ZBTB16: variants seen among roughly 807,000 people sequenced by gnomAD.
The protein encoded by ZBTB16 is zinc finger and BTB domain containing 16.
Under a neutral mutation model 56.8 loss-of-function variants are expected in ZBTB16, and 8 were observed. The observed-to-expected ratio is 0.14, with a 90% confidence interval of 0.08 to 0.25. The LOEUF (loss-of-function observed/expected upper bound fraction) is 0.25. Among genes scored for constraint, ZBTB16 ranks in the 10% least tolerant of loss-of-function variants. The probability of loss-of-function intolerance (pLI) is 1.00; values close to 1 mark genes in which losing one functional copy is unlikely to be tolerated. For synonymous variants in ZBTB16, 363 were observed against 368.5 expected, an observed-to-expected ratio of 0.98 and a Z score of 0.17; for missense variants, 625 against 903.0, an observed-to-expected ratio of 0.69 and a Z score of 3.95.
chr11:114,170,167 G>A (rs998002539), intron 3 of ZBTB16, among the ~76,000 whole-genome samples: 1 of 152,240 alleles, frequency 6.6e-6, no homozygotes, highest in Non-Finnish European at 1.5e-5. Context: ...ATTGGATGCG[G>A]ACCCAGAAGA....
At chr11:114,212,592 G>A (rs1046114373) in intron 4 of ZBTB16, among the ~76,000 whole-genome samples, 4 of 152,190 alleles carry the variant, frequency 2.6e-5, no homozygotes, top group Admixed American at 6.5e-5. Context: ...ACACAGTTGC[G>A]GAGTCAGGCA....
chr11:114,219,813 C>G (rs967408224), intron 4 of ZBTB16, among the ~76,000 whole-genome samples: 2 of 152,118 alleles, frequency 1.3e-5, no homozygotes, highest in Non-Finnish European at 2.9e-5. Flanking sequence ...CCTGAGTTGC[C>G]TTGAACTAAT....
intron 2 of ZBTB16, among the ~76,000 whole-genome samples, chr11:114,070,976 C>G (rs1165456024): frequency 2.0e-5 from 3 of 152,204 alleles, no homozygotes; most frequent in Admixed American, 6.5e-5. Flanking sequence ...GAGGCCAGGT[C>G]TAGACCTAGC....
intron 2 of ZBTB16, among the ~76,000 whole-genome samples, chr11:114,113,822 A>T (rs971174773): frequency 6.6e-6 from 1 of 152,234 alleles, no homozygotes; most frequent in East Asian, 1.9e-4. Context: ...GATATAAGTT[A>T]GTCATCTAAT....
At chr11:114,078,647 G>A (rs2137690810) in intron 2 of ZBTB16, among the ~76,000 whole-genome samples, 1 of 152,208 alleles carries the variant, frequency 6.6e-6, no homozygotes, top group East Asian at 1.9e-4. Context: ...GAAACAGCTA[G>A]CTCAAAGTCC....
intron 2 of ZBTB16, among the ~76,000 whole-genome samples, chr11:114,101,237 TCAAA>T (rs1311246478): frequency 6.6e-6 from 1 of 152,152 alleles, no homozygotes; most frequent in African/African-American, 2.4e-5. Context: ...ACTCCTGGGC[TCAAA>T]CAATCTTCCC....
chr11:114,212,141 G>T (rs1475118968), intron 4 of ZBTB16, among the ~76,000 whole-genome samples: 1 of 152,048 alleles, frequency 6.6e-6, no homozygotes, highest in East Asian at 1.9e-4. Flanking sequence ...CTTGGGAAAG[G>T]GGGGATGGGG....
intron 2 of ZBTB16, among the ~76,000 whole-genome samples, chr11:114,084,734 G>A (rs527865373): frequency 4.3e-4 from 65 of 152,332 alleles, no homozygotes; most frequent in South Asian, 1.0e-3. Flanking sequence ...GAAATCCTGG[G>A]AGGAGGCCTT....
intron 3 of ZBTB16, among the ~76,000 whole-genome samples, chr11:114,166,940 A>C (rs1470730238): frequency 1.3e-5 from 2 of 152,144 alleles, no homozygotes; most frequent in African/African-American, 4.8e-5. Flanking sequence ...TTTGAGTTTC[A>C]TATGAATGAT....
chr11:114,099,659 T>C (rs929756245), intron 2 of ZBTB16, among the ~76,000 whole-genome samples: 1 of 152,056 alleles, frequency 6.6e-6, no homozygotes. Flanking sequence ...TGTGTGTGCA[T>C]TGGAGGGTGA....
At chr11:114,233,047 A>G (rs552228450) in intron 4 of ZBTB16, among the ~76,000 whole-genome samples, 1 of 59,012 alleles carries the variant, frequency 1.7e-5, no homozygotes, top group Non-Finnish European at 4.4e-5. Flanking sequence ...GGCCCCACCC[A>G]CTCTACTGCA....
intron 2 of ZBTB16, among the ~76,000 whole-genome samples, chr11:114,089,574 AGT>A (rs1341800966): frequency 2.0e-5 from 3 of 152,200 alleles, no homozygotes; most frequent in African/African-American, 7.2e-5. Context: ...GCAGAATATC[AGT>A]CCTCTCCAGA....
chr11:114,086,329 C>T lies in ZBTB16; in HGVS notation c.1268+21761C>T, dbSNP rs900994451. Among the ~76,000 whole-genome samples, 21 of 152,130 alleles carry T rather than the reference C, an allele frequency of 1.4e-4. No homozygotes were observed. The South Asian group carries it at 1.5e-3, about 11-fold the overall frequency. ...TTGTCCTTCTTTTTCTCCTTGGTGT[C>T]TCTCATCCTGTCCAGCCTTCAAGAC... On this transcript the variant is annotated intron_variant, in intron 2 of 6. Coordinates refer to ENST00000335953, the MANE Select transcript of ZBTB16 (RefSeq NM_006006.6).
At chr11:114,222,437 G>A (rs930731551) in intron 4 of ZBTB16, among the ~76,000 whole-genome samples, 9 of 152,156 alleles carry the variant, frequency 5.9e-5, no homozygotes, top group South Asian at 2.1e-4. Context: ...ATCAGGAAGT[G>A]TAGGAGTGAG....
chr11:114,198,792 C>G (rs1218373274), intron 4 of ZBTB16, among the ~76,000 whole-genome samples: 2 of 152,204 alleles, frequency 1.3e-5, no homozygotes, highest in East Asian at 3.9e-4. Flanking sequence ...AGGGTTCACT[C>G]CTGGTGGTGT....
chr11:114,100,158 T>C (rs987696315), intron 2 of ZBTB16, among the ~76,000 whole-genome samples: 1 of 152,244 alleles, frequency 6.6e-6, no homozygotes, highest in Non-Finnish European at 1.5e-5. Context: ...TGTGTGTTTT[T>C]TAACCCAGGT....
rs138047238 is a variant in ZBTB16 at position 114,243,062 on chromosome 11, G to A, written c.1624+725G>A. Among the ~76,000 whole-genome samples, 54 of 152,338 alleles carry A rather than the reference G, an allele frequency of 3.5e-4. 1 individual carries two copies. The highest frequency in any genetic ancestry group is 6.3e-4 in the Non-Finnish European group (43 of 68,040). ...GGATGGGGACACTTGGTCCCTGATG[G>A]CCAAGAGGCATTTGCTTTCCTGCAG... On this transcript the variant is annotated intron_variant, in intron 5 of 6. Transcript: ENST00000335953.
In ZBTB16 at chr11:114,064,857, G is replaced by A. The variant is rs1939054248; in HGVS notation, c.1268+289G>A. ...TTTTGGGCCCCTGTTTGTTTTTTCG[G>A]CTGTTTGGTCTGTTCTCCTTTGCTT... On this transcript the variant is annotated intron_variant, in intron 2 of 6. Transcript: ENST00000335953. The surrounding 1 kb of genome is among the most constrained non-coding windows in gnomAD (Gnocchi z 4.2). Among the ~76,000 whole-genome samples, 1 of 152,010 alleles carries A rather than the reference G, an allele frequency of 6.6e-6. No individual in the cohort carries two copies. The highest frequency in any genetic ancestry group is 1.5e-5 in the Non-Finnish European group (1 of 68,008).
chr11:114,115,054 T>C (rs1017429262), intron 2 of ZBTB16, among the ~76,000 whole-genome samples: 1 of 152,166 alleles, frequency 6.6e-6, no homozygotes, highest in African/African-American at 2.4e-5. Context: ...ATTTTCTTTC[T>C]TCCTTTCTTC....
Sources: gnomAD v4.1 joint callset for allele counts (sites outside exome capture counted in the v4.1 genomes callset) on GRCh38, gnomAD v4.1.1 for gene constraint, Gnocchi (gnomAD v3.1) non-coding constraint, MANE v1.5 for transcripts, NCBI Gene and HGNC (gene_info 2026-07-23, HGNC 2026-07-21) for gene names.